AP3D1: variants seen among roughly 807,000 people sequenced by gnomAD.
AP3D1 encodes adaptor related protein complex 3 subunit delta 1.
Under a neutral mutation model 147.6 loss-of-function variants are expected in AP3D1, and 51 were observed. The ratio of observed to expected loss-of-function variants is 0.35; its 90% confidence interval spans 0.28 to 0.44. The LOEUF (loss-of-function observed/expected upper bound fraction) is 0.44. Among genes scored for constraint, AP3D1 ranks in the 20% least tolerant of loss-of-function variants. The pLI is 1.00. For missense variants in AP3D1, 1,421 were observed against 1,624.2 expected, an observed-to-expected ratio of 0.87 and a Z score of 2.15; for synonymous variants, 760 against 663.0, an observed-to-expected ratio of 1.15 and a Z score of -2.25.
intron 14 of AP3D1, among the ~76,000 whole-genome samples, chr19:2,120,081 G>C (rs1008423494): frequency 6.6e-6 from 1 of 152,190 alleles, no homozygotes; most frequent in South Asian, 2.1e-4. Flanking sequence ...GGGAGTGCTC[G>C]GTGTGGCCGT....
chr19:2,156,332 C>T (rs1322403209), upstream of AP3D1, among the ~76,000 whole-genome samples: 2 of 152,126 alleles, frequency 1.3e-5, no homozygotes, highest in African/African-American at 4.8e-5. Context: ...ATCCTTCCAC[C>T]TCCCCATCCA....
At chr19:2,130,570 T>G (rs1253865931) in intron 5 of AP3D1, 33 bp from the exon 6 acceptor site, 1 of 1,611,074 alleles carries the variant, frequency 6.2e-7, no homozygotes, top group Non-Finnish European at 8.5e-7. Context: ...CTGCGCGGGC[T>G]TTCTGCGCCT....
Position 2,151,414 on chromosome 19 carries a change from C to A in AP3D1, c.-80G>T. On this transcript the variant is annotated 5_prime_UTR_variant, in exon 1 of 32. Transcript: ENST00000643116. ...GGGCCCGGGGCCCGTGCCTGCCGCC[C>A]GCGGAGCGCCGCGCTGCCGGCCGCT... The A allele has an allele frequency of 2.2e-5, 20 of 903,022 alleles. No homozygotes were observed. The highest frequency in any genetic ancestry group is 5.2e-5 in the South Asian group (1 of 19,382). 55.9% of individuals were successfully genotyped at this position (903,022 alleles called of 1,614,324 possible). A position where few individuals can be genotyped will look rare whatever the true frequency, so the allele number is the denominator to read the frequency against.
chr19:2,133,092 A>T (rs2018992268), intron 4 of AP3D1, among the ~76,000 whole-genome samples: 1 of 152,184 alleles, frequency 6.6e-6, no homozygotes, highest in Non-Finnish European at 1.5e-5. Flanking sequence ...CTCACGTATC[A>T]CTGGCAGCTC....
chr19:2,112,154 G>A (rs2018300789), intron 24 of AP3D1: 1 of 402,684 alleles, frequency 2.5e-6, no homozygotes, highest in Non-Finnish European at 4.6e-6. Context: ...ATCCGAGAGG[G>A]AACACACACA....
At chr19:2,116,485 G>A (rs906744412) in intron 17 of AP3D1, 120 bp downstream of exon 17, 17 of 1,350,032 alleles carry the variant, frequency 1.3e-5, no homozygotes, top group African/African-American at 1.2e-4. Context: ...AGGCAGGGAC[G>A]CCCATGCCTC....
upstream of AP3D1, among the ~76,000 whole-genome samples, chr19:2,155,304 T>C (rs1289823671): frequency 6.6e-6 from 1 of 151,494 alleles, no homozygotes; most frequent in African/African-American, 2.4e-5. Flanking sequence ...GAGGTTGCAG[T>C]GAGTGGAGAT....
chr19:2,147,110 C>T (rs2019376517), intron 1 of AP3D1, among the ~76,000 whole-genome samples: 2 of 152,036 alleles, frequency 1.3e-5, no homozygotes, highest in Non-Finnish European at 1.5e-5. Context: ...TTTGGGAGGC[C>T]GAGGCTGGTG....
intron 1 of AP3D1, among the ~76,000 whole-genome samples, chr19:2,163,197 C>T (rs1339470596): frequency 2.6e-5 from 4 of 152,154 alleles, no homozygotes; most frequent in Admixed American, 6.5e-5. Context: ...CCTCAGCCCC[C>T]GCAGTAGCTG....
rs767249856 is a variant in AP3D1 at position 2,120,932 on chromosome 19, T to C, written c.1411A>G (p.Ser471Gly). The change falls in exon 14 of 32, where the codon AGC becomes GGC. Residue 471 changes from serine (S) to glycine (G), a missense_variant. Ser to Gly is a moderately conservative substitution (Grantham distance 56). Coordinates refer to ENST00000643116, the MANE Select transcript of AP3D1 (RefSeq NM_001261826.3). ...ALLDSAHLLASSTQRNGICEV... is the reference protein window; with the variant it reads ...ALLDSAHLLAGSTQRNGICEV... ...CAGATCCCGTTCCGCTGGGTGCTGC[T>C]GGCCAGCAGGTGTGCACTGTCAAGC... 2 of 1,611,966 alleles carry C rather than the reference T, an allele frequency of 1.2e-6. No individual in the cohort carries two copies.
intron 1 of AP3D1, among the ~76,000 whole-genome samples, chr19:2,160,547 A>AC (rs1249623922): frequency 6.6e-6 from 1 of 151,796 alleles, no homozygotes; most frequent in East Asian, 1.9e-4. Flanking sequence ...AAAAAAAAAA[A>AC]GTGGGCGGAG....
intron 16 of AP3D1, 143 bp downstream of exon 16, chr19:2,117,079 T>A: frequency 9.1e-7 from 1 of 1,094,190 alleles, no homozygotes; most frequent in Non-Finnish European, 1.3e-6. Context: ...TGAGTCCGTG[T>A]GAGGGATATA....
intron 4 of AP3D1, among the ~76,000 whole-genome samples, 166 bp downstream of exon 4, chr19:2,136,845 C>T (rs1233494993): frequency 6.6e-6 from 1 of 152,248 alleles, no homozygotes; most frequent in Non-Finnish European, 1.5e-5. Context: ...ACCCGCCGGG[C>T]CTCCTCTCTG....
upstream of AP3D1, among the ~76,000 whole-genome samples, chr19:2,152,304 G>C (rs1321302226): frequency 6.6e-6 from 1 of 152,138 alleles, no homozygotes; most frequent in Non-Finnish European, 1.5e-5. Context: ...CACTTTGAGA[G>C]GCCGTAAGCG....
At position 2,121,052 on chromosome 19, in the gene AP3D1, T is replaced by C. The variant is rs755109870; in HGVS notation, c.1291A>G (p.Thr431Ala). The C allele has an allele frequency of 6.2e-7, 1 of 1,613,318 alleles. No homozygotes were observed. The highest frequency in any genetic ancestry group is 1.1e-5 in the South Asian group (1 of 91,080). Reference protein sequence around the residue: ...ILVELTRLEGTRHGHLIAAQM... With the variant: ...ILVELTRLEGARHGHLIAAQM... The stretch of plus-strand genomic sequence containing the variant: ...GCGGCGATGAGGTGGCCGTGCCGTG[T>C]GCCCTCCAGCCGGGTCAGCTCCACC... The change falls in exon 14 of 32, where the codon ACA (threonine) becomes GCA (alanine). Residue 431 changes from threonine (T) to alanine (A), a missense_variant. Physicochemically the swap from Thr to Ala is moderately conservative, Grantham distance 58 (BLOSUM62 0). Coordinates refer to ENST00000643116, the MANE Select transcript of AP3D1 (RefSeq NM_001261826.3).
intron 31 of AP3D1, among the ~76,000 whole-genome samples, chr19:2,107,858 C>T (rs761109859): frequency 2.6e-5 from 4 of 152,138 alleles, no homozygotes; most frequent in Non-Finnish European, 4.4e-5. Flanking sequence ...CAAGGAGCAG[C>T]GCGAATACGG....
At chr19:2,110,917 T>C (rs1200206222) in intron 26 of AP3D1, 21 bp from the exon 27 acceptor site, 1 of 1,608,398 alleles carries the variant, frequency 6.2e-7, no homozygotes, top group East Asian at 2.2e-5. Context: ...TGGCCAGTGT[T>C]AGCAGGGCAG....
At chr19:2,155,258 G>T (rs1214901371), upstream of AP3D1, among the ~76,000 whole-genome samples, 1 of 152,064 alleles carries the variant, frequency 6.6e-6, no homozygotes, top group African/African-American at 2.4e-5. Flanking sequence ...TACTCAGGGA[G>T]GCTGAGGCAG....
In AP3D1 at chr19:2,120,760, G is replaced by C. The variant is rs1193561249; in HGVS notation, c.1481+102C>G. 4 of 1,209,548 alleles carry C rather than the reference G, an allele frequency of 3.3e-6. No homozygotes were observed. In the African/African-American group the frequency reaches 6.0e-5, roughly 18 times the overall value. 74.9% of individuals were successfully genotyped at this position (1,209,548 alleles called of 1,614,324 possible). A position where few individuals can be genotyped will look rare whatever the true frequency, so the allele number is the denominator to read the frequency against. ...ACCTGCAAGACGGCCGGGGTGGCAG[G>C]GCGATGGGAGACGGTAGGAAGGATC... On this transcript the variant is annotated intron_variant, in intron 14 of 31. Coordinates refer to ENST00000643116, the MANE Select transcript of AP3D1 (RefSeq NM_001261826.3).
Sources: gnomAD v4.1 joint callset for allele counts (sites outside exome capture counted in the v4.1 genomes callset) on GRCh38, gnomAD v4.1.1 for gene constraint, MANE v1.5 for transcripts, NCBI Gene and HGNC (gene_info 2026-07-23, HGNC 2026-07-21) for gene names.